The following CCDC50 variants were observed in gnomAD, a reference collection of about 807,000 sequenced individuals.
The protein encoded by CCDC50 is coiled-coil domain containing 50, also known as coiled-coil domain-containing protein 50.
A neutral mutation model predicts 70.2 loss-of-function variants in CCDC50; 54 were observed. The ratio of observed to expected loss-of-function variants is 0.77; its 90% CI spans 0.62 to 0.96. CCDC50 has a LOEUF of 0.96. Among genes scored for constraint, CCDC50 ranks in the 50% least tolerant of loss-of-function variants. The pLI, the probability that CCDC50 is intolerant of heterozygous loss-of-function variation, is 0.00. For missense variants in CCDC50, 558 were observed against 578.7 expected, an observed-to-expected ratio of 0.96 and a Z score of 0.37; for synonymous variants, 216 against 198.8, an observed-to-expected ratio of 1.09 and a Z score of -0.73.
intron 10 of CCDC50, 94 bp from the exon 11 acceptor site, chr3:191,389,402 C>A (rs1383880419): frequency 4.5e-6 from 5 of 1,104,246 alleles, no homozygotes; most frequent in Non-Finnish European, 7.0e-6. Context: ...TTTCATTTCA[C>A]AAGAAAATGT....
chr3:191,368,090 A>G (rs945669944), intron 4 of CCDC50, among the ~76,000 whole-genome samples: 6 of 152,020 alleles, frequency 3.9e-5, no homozygotes, highest in African/African-American at 1.4e-4. Flanking sequence ...TTTCTATTGT[A>G]CAGATAAAGA....
chr3:191,384,178 A>AT (rs1456157104), intron 10 of CCDC50, among the ~76,000 whole-genome samples: 1 of 152,160 alleles, frequency 6.6e-6, no homozygotes, highest in African/African-American at 2.4e-5. Flanking sequence ...TGTATTAAAA[A>AT]TGGCTATTAT....
chr3:191,344,333 C>T (rs957969859), intron 1 of CCDC50, among the ~76,000 whole-genome samples: 1 of 152,320 alleles, frequency 6.6e-6, no homozygotes, highest in Non-Finnish European at 1.5e-5. Context: ...GTTCTGTATT[C>T]TGTACTGTCC....
rs1461339515 is a variant in CCDC50, at chr3:191,361,188, C to A, written c.330+29C>A. On this transcript the variant is annotated intron_variant, in intron 4 of 11. Transcript: ENST00000392455. ...TAACTTAGTTACTGCCCCTCTCCCTCATGGAGAAAGGGGTGCTCAGCTTTA... is the reference window on the plus strand; with the variant it reads ...TAACTTAGTTACTGCCCCTCTCCCTAATGGAGAAAGGGGTGCTCAGCTTTA... 3 of 1,521,600 alleles carry A rather than the reference C, an allele frequency of 2.0e-6. No homozygotes were observed. In the Admixed American group the frequency reaches 5.0e-5, roughly 25 times the overall value. 94.3% of individuals were successfully genotyped at this position (1,521,600 alleles called of 1,614,324 possible).
chr3:191,380,530 T>G (rs1216458097), intron 7 of CCDC50, among the ~76,000 whole-genome samples, 157 bp from the exon 8 acceptor site: 1 of 152,096 alleles, frequency 6.6e-6, no homozygotes, highest in Non-Finnish European at 1.5e-5. Flanking sequence ...TAAAAAGAGC[T>G]CCTGCTCTGG....
At chr3:191,391,635 A>C in intron 11 of CCDC50, 106 bp from the exon 12 acceptor site, 1 of 946,986 alleles carries the variant, frequency 1.1e-6, no homozygotes, top group Non-Finnish European at 1.7e-6. Flanking sequence ...AAGTACTATT[A>C]GAAATGTATA....
intron 1 of CCDC50, among the ~76,000 whole-genome samples, chr3:191,341,912 A>G (rs1711745568): frequency 6.6e-6 from 1 of 152,232 alleles, no homozygotes; most frequent in South Asian, 2.1e-4. Flanking sequence ...TTCTAGGGGA[A>G]GAAATATTAT....
Position 191,382,887 on chromosome 3 carries a change from A to G in CCDC50, c.1322+62A>G. ...ACTTTGGGGTGAATAAGGAGATTTC[A>G]GTTCCCTAAGAAGAGTGTATGTTTT... is the stretch of plus-strand genomic sequence containing the variant. On this transcript the variant is annotated intron_variant, in intron 10 of 11. Transcript: ENST00000392455. The G allele has an allele frequency of 3.3e-6, 4 of 1,207,534 alleles. No homozygotes were observed. In the South Asian group the frequency reaches 3.6e-5, roughly 11 times the overall value. The allele number at this position is 1,207,534 out of a possible 1,614,324, so 74.8% of individuals were successfully genotyped here.
At position 191,329,430 on chromosome 3, in the gene CCDC50, C is replaced by G. The variant is rs934989788; in HGVS notation, c.-245C>G. The G allele has an allele frequency of 4.5e-6, 2 of 447,376 alleles. No homozygotes were observed. Among genetic ancestry groups the G allele is most frequent in the Non-Finnish European group, 7.8e-6 (2 of 255,644 alleles). The allele number at this position is 447,376 out of a possible 1,614,324, so 27.7% of individuals were successfully genotyped here. ...CCGGATATTTGGTATCGATTGGGGC[C>G]GGGGACGCGGAGCAGGTGGCCGCGG... is the stretch of plus-strand genomic sequence containing the variant. On this transcript the variant is annotated 5_prime_UTR_variant, in exon 1 of 12. Transcript: ENST00000392455.
At chr3:191,331,775 C>T (rs1223763718) in intron 1 of CCDC50, among the ~76,000 whole-genome samples, 1 of 152,132 alleles carries the variant, frequency 6.6e-6, no homozygotes, top group Non-Finnish European at 1.5e-5. Context: ...AATTATGGCC[C>T]AGTTACTCCC....
chr3:191,379,812 T>C (rs564902513), intron 6 of CCDC50, among the ~76,000 whole-genome samples: 1 of 152,310 alleles, frequency 6.6e-6, no homozygotes, highest in African/African-American at 2.4e-5. Flanking sequence ...TGCTTTTCTT[T>C]AAATTATTTT....
intron 1 of CCDC50, among the ~76,000 whole-genome samples, chr3:191,346,299 T>G (rs999035032): frequency 6.6e-6 from 1 of 152,234 alleles, no homozygotes; most frequent in African/African-American, 2.4e-5. Flanking sequence ...CAGATTCGCC[T>G]TCATGGAAGA....
intron 10 of CCDC50, among the ~76,000 whole-genome samples, chr3:191,384,843 G>T (rs13061649): frequency 0.42 from 64,107 of 151,838 alleles, 15,212 homozygotes; most frequent in Non-Finnish European, 0.53. Context: ...GGTGTTCCCA[G>T]TGTCTATTAT....
In CCDC50 at chr3:191,392,037, A is replaced by G. The variant is rs1190868149; in HGVS notation, c.*277A>G. On this transcript the variant is annotated 3_prime_UTR_variant, in exon 12 of 12. Transcript: ENST00000392455. ...GTATCTAAGACCTTTGTAAACTGCC[A>G]TTTTGTTAGGTATGGAGTTTGGTAT... 9.3e-5 allele frequency: 37 copies of G among 397,746 alleles called. 1 individual carries two copies. In the Admixed American group the frequency reaches 1.4e-3, roughly 15 times the overall value. 24.6% of individuals were successfully genotyped at this position (397,746 alleles called of 1,614,324 possible). A position where few individuals can be genotyped will look rare whatever the true frequency, so the allele number is the denominator to read the frequency against.
chr3:191,390,614 A>T (rs959861533), intron 11 of CCDC50, among the ~76,000 whole-genome samples: 3 of 152,188 alleles, frequency 2.0e-5, no homozygotes, highest in African/African-American at 4.8e-5. Context: ...GTAACCTGTC[A>T]TGGCTCTGGT....
chr3:191,330,588 C>T (rs1332909131), intron 1 of CCDC50: 1 of 152,182 alleles, frequency 6.6e-6, no homozygotes. Context: ...AGAGTGCTGA[C>T]GCAGACCCCT....
intron 1 of CCDC50, among the ~76,000 whole-genome samples, chr3:191,343,222 T>C (rs1367341664): frequency 2.0e-5 from 3 of 152,246 alleles, no homozygotes; most frequent in African/African-American, 7.2e-5. Flanking sequence ...ACTGTACTTA[T>C]GATGGCTATT....
rs1479504686 is a variant in CCDC50 at position 191,350,141 on chromosome 3, T to G, written c.50-6947T>G. Among the ~76,000 whole-genome samples, 2 of 141,120 alleles carry G rather than the reference T, an allele frequency of 1.4e-5. 1 individual carries two copies. Among genetic ancestry groups the G allele is most frequent in the Non-Finnish European group, 3.2e-5 (2 of 62,608 alleles). The allele number at this position is 141,120 out of a possible 152,430, so 92.6% of individuals were successfully genotyped here. On this transcript the variant is annotated intron_variant, in intron 1 of 11. Transcript: ENST00000392455. ...GTAAAATGGGGATGTTGATAAAGCC[T>G]TTATCCTCAGATGGTTAGGAGGAAT...
rs553629479 is a variant in CCDC50, at chr3:191,338,781, T to C, written c.49+9058T>C. 3.9e-5 allele frequency among the ~76,000 whole-genome samples: 6 copies of C among 152,350 alleles called. No individual in the cohort carries two copies. The South Asian group carries it at 1.2e-3, about 32-fold the overall frequency. ...TCTCAAATTTCTATAAGAAGTTGAT[T>C]GGTGTTGTGATTGACAACACCTGAA... On this transcript the variant is annotated intron_variant, in intron 1 of 11. Transcript: ENST00000392455.
Sources: gnomAD v4.1 joint callset for allele counts (sites outside exome capture counted in the v4.1 genomes callset) on GRCh38, gnomAD v4.1.1 for gene constraint, MANE v1.5 for transcripts, NCBI Gene and HGNC (gene_info 2026-07-23, HGNC 2026-07-21) for gene names.